ZBTB16: variants seen among roughly 807,000 people sequenced by gnomAD.
The protein encoded by ZBTB16 is zinc finger and BTB domain containing 16.
In ZBTB16, 8 loss-of-function variants were observed where a neutral mutation model predicts 56.8. That is an observed-to-expected ratio of 0.14 (90% confidence interval 0.08 to 0.25). The LOEUF (loss-of-function observed/expected upper bound fraction) is 0.25, where lower values mean the gene tolerates loss of function less well. ZBTB16 is among the 10% of genes least tolerant of loss of function. The pLI, the probability that ZBTB16 is intolerant of heterozygous loss-of-function variation, is 1.00. For synonymous variants in ZBTB16, 363 were observed against 368.5 expected (o/e 0.98, Z 0.17); for missense variants, 625 against 903.0 (o/e 0.69, Z 3.95).
At chr11:114,247,004 G>A in intron 5 of ZBTB16, 194 bp from the exon 6 acceptor site, 3 of 687,380 alleles carry the variant, frequency 4.4e-6, no homozygotes, top group East Asian at 2.8e-5. Flanking sequence ...TGGGGCCACA[G>A]TAAAGTATGG....
chr11:114,198,086 G>T (rs1417937939), intron 4 of ZBTB16, among the ~76,000 whole-genome samples: 1 of 152,042 alleles, frequency 6.6e-6, no homozygotes, highest in Non-Finnish European at 1.5e-5. Flanking sequence ...TATCGGGGAG[G>T]ACAGGACAGT....
chr11:114,103,239 G>A (rs772261678), intron 2 of ZBTB16, among the ~76,000 whole-genome samples: 54 of 152,144 alleles, frequency 3.5e-4, no homozygotes, highest in Non-Finnish European at 6.8e-4. Flanking sequence ...GGAGTGTGCA[G>A]GGAGGGAATT....
intron 2 of ZBTB16, among the ~76,000 whole-genome samples, chr11:114,100,648 G>T (rs1487249266): frequency 6.6e-6 from 1 of 152,158 alleles, no homozygotes; most frequent in Non-Finnish European, 1.5e-5. Flanking sequence ...GGAGGTGCTG[G>T]CAAGTCTGGC....
intron 2 of ZBTB16, among the ~76,000 whole-genome samples, chr11:114,114,739 G>C (rs910664693): frequency 1.3e-5 from 2 of 151,466 alleles, no homozygotes; most frequent in Non-Finnish European, 2.9e-5. Flanking sequence ...GAGTGCAGTG[G>C]TACAATCTTG....
chr11:114,106,077 CG>C (rs1469118214), intron 2 of ZBTB16, among the ~76,000 whole-genome samples: 1 of 152,180 alleles, frequency 6.6e-6, no homozygotes, highest in Non-Finnish European at 1.5e-5. Flanking sequence ...TTCCTCTCCC[CG>C]CGTTCACCCC....
chr11:114,200,437 C>T (rs149678388), intron 4 of ZBTB16, among the ~76,000 whole-genome samples: 340 of 152,320 alleles, frequency 2.2e-3, no homozygotes, highest in Non-Finnish European at 3.6e-3. Flanking sequence ...TTATTCAGAA[C>T]GTGGTCTGTG....
intron 2 of ZBTB16, among the ~76,000 whole-genome samples, chr11:114,124,779 C>T (rs906096584): frequency 5.1e-4 from 77 of 152,158 alleles, no homozygotes; most frequent in African/African-American, 1.7e-3. Context: ...TACACCTGTT[C>T]CAGCCTCTCA....
chr11:114,094,085 G>A (rs1190115867), intron 2 of ZBTB16, among the ~76,000 whole-genome samples: 2 of 152,164 alleles, frequency 1.3e-5, no homozygotes, highest in Admixed American at 6.5e-5. Flanking sequence ...GGAGGCCGAG[G>A]CAGGTGGATC....
chr11:114,158,972 GC>G (rs1942500553), intron 3 of ZBTB16, among the ~76,000 whole-genome samples: 1 of 152,242 alleles, frequency 6.6e-6, no homozygotes, highest in Admixed American at 6.5e-5. Context: ...ACAGCCAGGA[GC>G]CCCTGGCTCG....
chr11:114,156,608 A>G (rs1942419410), intron 3 of ZBTB16, among the ~76,000 whole-genome samples, 174 bp downstream of exon 3: 1 of 152,112 alleles, frequency 6.6e-6, no homozygotes, highest in Non-Finnish European at 1.5e-5. Context: ...ATCCATCCTG[A>G]TGGCGGGGCC....
At chr11:114,193,451 T>C (rs992780828) in intron 4 of ZBTB16, among the ~76,000 whole-genome samples, 1 of 152,130 alleles carries the variant, frequency 6.6e-6, no homozygotes, top group Non-Finnish European at 1.5e-5. Context: ...ACAGCAGTTT[T>C]ACCCTCAGGA....
intron 2 of ZBTB16, among the ~76,000 whole-genome samples, chr11:114,094,094 T>TC (rs1478620274): frequency 6.6e-6 from 1 of 152,102 alleles, no homozygotes; most frequent in East Asian, 1.9e-4. Context: ...GGCAGGTGGA[T>TC]CACGAGGTCA....
chr11:114,228,443 C>G (rs1944373435), intron 4 of ZBTB16, among the ~76,000 whole-genome samples: 1 of 152,166 alleles, frequency 6.6e-6, no homozygotes, highest in Non-Finnish European at 1.5e-5. Context: ...CACTGAATTT[C>G]AGTTGGAGGT....
At chr11:114,134,136 G>A (rs1941739030) in intron 2 of ZBTB16, among the ~76,000 whole-genome samples, 1 of 152,188 alleles carries the variant, frequency 6.6e-6, no homozygotes, top group African/African-American at 2.4e-5. Context: ...CTGAATGTGG[G>A]CTCCACACTT....
intron 4 of ZBTB16, among the ~76,000 whole-genome samples, chr11:114,236,003 C>G (rs1287882439): frequency 6.6e-6 from 1 of 151,992 alleles, no homozygotes. Context: ...TCGATAGCAT[C>G]ATCCTTTCTA....
At chr11:114,183,211 TG>T (rs1943290450) in intron 3 of ZBTB16, among the ~76,000 whole-genome samples, 1 of 152,158 alleles carries the variant, frequency 6.6e-6, no homozygotes, top group South Asian at 2.1e-4. Flanking sequence ...AGGAGGGACC[TG>T]GCCCAGAGTC....
In ZBTB16 at chr11:114,158,503, C is replaced by T. The variant is rs539951730; in HGVS notation, c.1366+2069C>T. Among the ~76,000 whole-genome samples, 12 of 152,290 alleles carry T rather than the reference C, an allele frequency of 7.9e-5. No homozygotes were observed. In the South Asian group the frequency reaches 1.2e-3, roughly 16 times the overall value. On this transcript the variant is annotated intron_variant, in intron 3 of 6. Transcript: ENST00000335953. Reference sequence around the variant, plus strand: ...TTCCCCACCTCCAGCCAGAAGCAGTCGTGCCTTTTCTGTGCCCATGTTTCT... The same window carrying T: ...TTCCCCACCTCCAGCCAGAAGCAGTTGTGCCTTTTCTGTGCCCATGTTTCT...
At chr11:114,124,604 T>C (rs1941449499) in intron 2 of ZBTB16, among the ~76,000 whole-genome samples, 1 of 147,360 alleles carries the variant, frequency 6.8e-6, no homozygotes, top group Admixed American at 6.7e-5. Flanking sequence ...CAACTGAACA[T>C]TAACCCTTTG....
rs148818435 is a variant in ZBTB16, at chr11:114,127,400, C to G, written c.1269-28937C>G. 4.2e-3 allele frequency among the ~76,000 whole-genome samples: 644 copies of G among 152,292 alleles called. 4 individuals carry two copies. Among genetic ancestry groups the G allele is most frequent in the Middle Eastern group, 0.01 (3 of 294 alleles). ...GAATTCCTGGAGTGGGAGCAGAACT[C>G]TGTATTAAATAAGCCCCCTCAGATA... On this transcript the variant is annotated intron_variant, in intron 2 of 6. Coordinates refer to ENST00000335953, the MANE Select transcript of ZBTB16 (RefSeq NM_006006.6).
Sources: gnomAD v4.1 joint callset for allele counts (sites outside exome capture counted in the v4.1 genomes callset) on GRCh38, gnomAD v4.1.1 for gene constraint, MANE v1.5 for transcripts, NCBI Gene and HGNC (gene_info 2026-07-23, HGNC 2026-07-21) for gene names.